PABPC4L: variants seen among roughly 807,000 people sequenced by gnomAD.
PABPC4L encodes poly(A) binding protein cytoplasmic 4 like, also known as polyadenylate-binding protein 4-like.
For synonymous variants in PABPC4L, 169 were observed against 164.1 expected, an observed-to-expected ratio of 1.03 and a Z score of -0.23; for missense variants, 452 against 451.4, an observed-to-expected ratio of 1.00 and a Z score of -0.01.
At chr4:133,972,823 G>A in the PABPC4L span, among the ~76,000 whole-genome samples, 37 of 152,240 alleles carry the variant, frequency 2.4e-4, no homozygotes, top group African/African-American at 7.7e-4. Flanking sequence ...AAGGGCCCTA[G>A]CATCATTAAG....
chr4:134,200,497 G>A lies in PABPC4L; in HGVS notation c.523C>T (p.Arg175Ter). 1 of 1,551,458 alleles carries A rather than the reference G, an allele frequency of 6.4e-7. No individual in the cohort carries two copies. Among genetic ancestry groups the A allele is most frequent in the South Asian group, 1.2e-5 (1 of 84,056 alleles). The change falls in exon 2 of 2, where the codon CGA becomes TGA. Residue 175 changes from arginine (R) to a stop codon, truncating the protein, a stop_gained. Transcript: ENST00000421491. LOFTEE classifies it low-confidence loss of function (END_TRUNC). ...CTGAGTTCAGCTTCACGATCTTTTC[G>A]GTTTTTGAATCTGCCAACAAACACC... ...CKVFVGRFKN[R>*]KDREAELRSK...
rs1261851210 is a variant in PABPC4L, at chr4:134,200,306, A to C, written c.714T>G (p.Asp238Glu). The change falls in exon 2 of 2, where the codon GAT becomes GAG. Residue 238 changes from aspartate to glutamate, a missense_variant. Coordinates refer to ENST00000421491, the MANE Select transcript of PABPC4L (RefSeq NM_001114734.2). ...CAGCTTTCTTGGCAGCCTCATGGCT[A>C]TCAAAACTCACAAAGCCAAAGCCTT... Reference protein sequence around the residue: ...KSKGFGFVSFDSHEAAKKAVE... With the variant: ...KSKGFGFVSFESHEAAKKAVE... The C allele has an allele frequency of 3.1e-6, 5 of 1,588,466 alleles. No homozygotes were observed. In the African/African-American group the frequency reaches 5.4e-5, roughly 17 times the overall value.
the PABPC4L span, among the ~76,000 whole-genome samples, chr4:134,111,647 G>A: frequency 2.0e-5 from 3 of 151,954 alleles, no homozygotes; most frequent in African/African-American, 4.8e-5. Flanking sequence ...AATCATGGGG[G>A]CCAGTCTTTC....
At chr4:134,150,626 C>A in the PABPC4L span, among the ~76,000 whole-genome samples, 1 of 152,064 alleles carries the variant, frequency 6.6e-6, no homozygotes, top group East Asian at 1.9e-4. Flanking sequence ...CAAGAAAGAT[C>A]ATGCTATAAT....
the PABPC4L span, among the ~76,000 whole-genome samples, chr4:134,025,951 G>A: frequency 6.6e-6 from 1 of 152,068 alleles, no homozygotes; most frequent in South Asian, 2.1e-4. Context: ...TTAAACCACA[G>A]TTGTATACAA....
At chr4:134,192,344 C>A (rs1214808974), downstream of PABPC4L, among the ~76,000 whole-genome samples, 1 of 151,972 alleles carries the variant, frequency 6.6e-6, no homozygotes, top group African/African-American at 2.4e-5. Flanking sequence ...TCCCTAGAGA[C>A]ACAGACTATA....
chr4:134,133,733 C>T, the PABPC4L span, among the ~76,000 whole-genome samples: 2 of 151,682 alleles, frequency 1.3e-5, no homozygotes, highest in Non-Finnish European at 2.9e-5. Context: ...ACACTGGGTA[C>T]AGGGATGGGT....
the PABPC4L span, among the ~76,000 whole-genome samples, chr4:133,998,451 T>C: frequency 6.6e-6 from 1 of 151,716 alleles, no homozygotes; most frequent in Non-Finnish European, 1.5e-5. Context: ...TTCATAGTTT[T>C]ATATACTATT....
the PABPC4L span, among the ~76,000 whole-genome samples, chr4:134,097,426 C>T: frequency 1.7e-4 from 26 of 151,804 alleles, no homozygotes; most frequent in African/African-American, 6.0e-4. Flanking sequence ...CCATATTTTA[C>T]CCTTCGCAGA....
chr4:134,036,692 G>A, the PABPC4L span, among the ~76,000 whole-genome samples: 3 of 151,986 alleles, frequency 2.0e-5, no homozygotes, highest in African/African-American at 7.2e-5. Context: ...CTGTTACATT[G>A]TTCTATGCAT....
At chr4:134,179,032 T>C in the PABPC4L span, among the ~76,000 whole-genome samples, 572 of 152,136 alleles carry the variant, frequency 3.8e-3, 2 homozygotes, top group African/African-American at 0.013. Context: ...CATTCAAATA[T>C]TGAGGAAATA....
chr4:134,150,316 T>G, the PABPC4L span, among the ~76,000 whole-genome samples: 4 of 151,990 alleles, frequency 2.6e-5, no homozygotes, highest in African/African-American at 9.7e-5. Flanking sequence ...ACTCCTGATC[T>G]CACTTGATCC....
chr4:134,074,972 GTATTTTAAGACAATTGAAAA>G, the PABPC4L span, among the ~76,000 whole-genome samples: 1 of 152,110 alleles, frequency 6.6e-6, no homozygotes, highest in African/African-American at 2.4e-5. Flanking sequence ...TATATCAGCT[GTATTTTAAGACAATTGAAAA>G]TAATCATGGT....
At chr4:134,080,194 T>C in the PABPC4L span, among the ~76,000 whole-genome samples, 1 of 152,080 alleles carries the variant, frequency 6.6e-6, no homozygotes, top group Non-Finnish European at 1.5e-5. Context: ...AAATGTCACA[T>C]GAGTGAATTA....
the PABPC4L span, among the ~76,000 whole-genome samples, chr4:134,006,096 T>C: frequency 2.6e-5 from 4 of 151,860 alleles, no homozygotes; most frequent in Non-Finnish European, 5.9e-5. Context: ...ACTAAAATCA[T>C]CCTGTTTCTT....
the PABPC4L span, among the ~76,000 whole-genome samples, chr4:134,093,519 T>C: frequency 5.9e-5 from 9 of 151,366 alleles, no homozygotes; most frequent in Admixed American, 5.9e-4. Flanking sequence ...TTCGTAGTGA[T>C]ACATTAAAGT....
At chr4:133,953,121 A>G in the PABPC4L span, among the ~76,000 whole-genome samples, 1 of 152,208 alleles carries the variant, frequency 6.6e-6, no homozygotes, top group South Asian at 2.1e-4. Context: ...CATAAAGGGG[A>G]TCACATTCTC....
chr4:133,996,650 T>A, the PABPC4L span, among the ~76,000 whole-genome samples: 22 of 152,152 alleles, frequency 1.4e-4, no homozygotes, highest in African/African-American at 3.9e-4. Flanking sequence ...GGGCACCACC[T>A]GCCTCTAAGT....
At chr4:133,993,544 G>T in the PABPC4L span, among the ~76,000 whole-genome samples, 1 of 152,180 alleles carries the variant, frequency 6.6e-6, no homozygotes, top group South Asian at 2.1e-4. Flanking sequence ...CAAATTCAGG[G>T]ACATGAGTAA....
Sources: gnomAD v4.1 joint callset for allele counts (sites outside exome capture counted in the v4.1 genomes callset) on GRCh38, gnomAD v4.1.1 for gene constraint, MANE v1.5 for transcripts, NCBI Gene and HGNC (gene_info 2026-07-23, HGNC 2026-07-21) for gene names.